SLC14A2: variants seen among roughly 807,000 people sequenced by gnomAD.
SLC14A2 encodes urea transporter 2.
In SLC14A2, 91 loss-of-function variants were observed where a neutral mutation model predicts 104.6. That is an observed-to-expected ratio of 0.87 (90% CI 0.73 to 1.04). The LOEUF (loss-of-function observed/expected upper bound fraction) is 1.04. Ranked by LOEUF, SLC14A2 falls within the 50% of genes least tolerant of loss-of-function variation. The pLI is 0.00. For synonymous variants in SLC14A2, 476 were observed against 466.4 expected (o/e 1.02, Z -0.27); for missense variants, 1,189 against 1,156.0 (o/e 1.03, Z -0.41).
At chr18:45,282,309 G>A (rs1191097882) in intron 1 of SLC14A2, among the ~76,000 whole-genome samples, 2 of 152,046 alleles carry the variant, frequency 1.3e-5, no homozygotes, top group East Asian at 1.9e-4. Context: ...CGAGTCATAG[G>A]GTGCTCAAGA....
At chr18:45,314,549 G>A (rs1010421102) in intron 1 of SLC14A2, among the ~76,000 whole-genome samples, 1 of 152,090 alleles carries the variant, frequency 6.6e-6, no homozygotes, top group Non-Finnish European at 1.5e-5. Context: ...CACACAGTTG[G>A]GATATGACCC....
intron 19 of SLC14A2, among the ~76,000 whole-genome samples, chr18:45,681,593 C>T (rs2046309777): frequency 6.6e-6 from 1 of 152,232 alleles, no homozygotes; most frequent in African/African-American, 2.4e-5. Context: ...AGAAGAAAGG[C>T]AGCTGTGCTC....
intron 2 of SLC14A2, among the ~76,000 whole-genome samples, chr18:45,572,378 T>C (rs1484422108): frequency 6.6e-6 from 1 of 152,238 alleles, no homozygotes; most frequent in Non-Finnish European, 1.5e-5. Context: ...TGTTCTCTCT[T>C]GGAGTTTCCA....
chr18:45,559,582 T>C (rs2044176386), intron 2 of SLC14A2, among the ~76,000 whole-genome samples: 2 of 152,136 alleles, frequency 1.3e-5, no homozygotes, highest in Non-Finnish European at 2.9e-5. Context: ...AAATTAGGTG[T>C]CTCAGGTGGA....
chr18:45,240,408 A>G (rs1163718914), intron 1 of SLC14A2, among the ~76,000 whole-genome samples: 2 of 151,874 alleles, frequency 1.3e-5, no homozygotes, highest in South Asian at 2.1e-4. Context: ...ATATCTCTTT[A>G]ATATACTGAT....
intron 1 of SLC14A2, among the ~76,000 whole-genome samples, chr18:45,233,312 A>C (rs1047750557): frequency 3.5e-4 from 53 of 152,168 alleles, no homozygotes; most frequent in African/African-American, 1.2e-3. Flanking sequence ...ATAACTAACA[A>C]AAATGTATTG....
intron 1 of SLC14A2, among the ~76,000 whole-genome samples, chr18:45,338,447 C>A (rs1051404707): frequency 6.6e-6 from 1 of 152,020 alleles, no homozygotes; most frequent in African/African-American, 2.4e-5. Context: ...ATGATCCGCC[C>A]GCCTCTGCCT....
At chr18:45,401,914 A>G (rs986800291) in intron 1 of SLC14A2, among the ~76,000 whole-genome samples, 1 of 152,226 alleles carries the variant, frequency 6.6e-6, no homozygotes, top group African/African-American at 2.4e-5. Context: ...AGGGAGTTAA[A>G]TCTGGACCTG....
chr18:45,282,754 T>C (rs1164034826), intron 1 of SLC14A2, among the ~76,000 whole-genome samples: 2 of 152,200 alleles, frequency 1.3e-5, no homozygotes, highest in African/African-American at 4.8e-5. Flanking sequence ...GGTCAACTTA[T>C]ACTAGTTGTA....
At chr18:45,582,034 GC>G (rs1359815996) in intron 2 of SLC14A2, among the ~76,000 whole-genome samples, 2 of 152,220 alleles carry the variant, frequency 1.3e-5, no homozygotes, top group Non-Finnish European at 2.9e-5. Flanking sequence ...AGAACATGGT[GC>G]CAGCATCTGG....
At chr18:45,626,899 C>T (rs992585736) in intron 3 of SLC14A2, 59 bp from the exon 4 acceptor site, 59 of 1,453,550 alleles carry the variant, frequency 4.1e-5, no homozygotes, top group Non-Finnish European at 4.7e-6. Context: ...TGCCAACCAG[C>T]AGTTCAGCAG....
intron 2 of SLC14A2, among the ~76,000 whole-genome samples, chr18:45,593,124 T>G (rs1162926043): frequency 1.3e-5 from 2 of 152,124 alleles, no homozygotes; most frequent in African/African-American, 4.8e-5. Context: ...GAGACCATCC[T>G]GGCTAACATG....
upstream of SLC14A2, among the ~76,000 whole-genome samples, chr18:45,209,543 CTTTTTCT>C (rs1054880150): frequency 1.8e-4 from 21 of 118,500 alleles, no homozygotes; most frequent in African/African-American, 6.2e-4. Flanking sequence ...TCACCCCTTC[CTTTTTCT>C]TTTTTTTTTT....
Position 45,624,830 on chromosome 18 carries a change from C to T in SLC14A2, c.150+16C>T, listed in dbSNP as rs1021626810. The T allele has an allele frequency of 1.9e-6, 3 of 1,587,746 alleles. No homozygotes were observed. Among genetic ancestry groups the T allele is most frequent in the East Asian group, 4.6e-5 (2 of 43,954 alleles). ...TGAAGAAAAGGTGAGAAGTGTCCCT[C>T]CTAGGATGTTTCCTGGGAGGGAGGG... On this transcript the variant is annotated intron_variant, in intron 2 of 19. Coordinates refer to ENST00000255226, the MANE Select transcript of SLC14A2 (RefSeq NM_007163.4).
chr18:45,254,567 A>G (rs1413749678), intron 1 of SLC14A2, among the ~76,000 whole-genome samples: 1 of 152,092 alleles, frequency 6.6e-6, no homozygotes, highest in Non-Finnish European at 1.5e-5. Flanking sequence ...AACAACCTCA[A>G]TTTTCATGCT....
At chr18:45,283,641 C>T (rs2084785311) in intron 1 of SLC14A2, among the ~76,000 whole-genome samples, 1 of 152,218 alleles carries the variant, frequency 6.6e-6, no homozygotes, top group African/African-American at 2.4e-5. Context: ...TCTCAGACTT[C>T]TACACTGTGT....
At chr18:45,185,861 A>T in the SLC14A2 span, among the ~76,000 whole-genome samples, 3 of 152,284 alleles carry the variant, frequency 2.0e-5, no homozygotes, top group South Asian at 2.1e-4. Context: ...CATAAACTAA[A>T]TTTTTTTAAA....
chr18:45,215,468 G>T (rs9947161), intron 1 of SLC14A2, among the ~76,000 whole-genome samples: 2,263 of 152,180 alleles, frequency 0.015, 53 homozygotes, highest in African/African-American at 0.051. Context: ...AAGGTTAAAT[G>T]AATTTTAAGA....
chr18:45,420,650 G>C (rs968375136), intron 1 of SLC14A2, among the ~76,000 whole-genome samples: 4 of 152,098 alleles, frequency 2.6e-5, no homozygotes, highest in Non-Finnish European at 5.9e-5. Context: ...TAATAGGAAA[G>C]GATGGTCAAA....
Sources: allele counts gnomAD v4.1 joint callset (sites outside exome capture counted in the v4.1 genomes callset), GRCh38; gene constraint gnomAD v4.1.1; transcripts MANE v1.5; gene names NCBI Gene and HGNC (gene_info 2026-07-23, HGNC 2026-07-21).